The following DIAPH3 variants were observed in gnomAD, a reference collection of about 807,000 sequenced individuals.
DIAPH3 encodes the protein diaphanous related formin 3.
In DIAPH3, 117 loss-of-function variants were observed where a neutral mutation model predicts 144.3. The ratio of observed to expected loss-of-function variants is 0.81; its 90% CI spans 0.70 to 0.95. The LOEUF (loss-of-function observed/expected upper bound fraction) is 0.95. DIAPH3 is among the 40% of genes least tolerant of loss of function. The pLI is 0.00. For synonymous variants in DIAPH3, 519 were observed against 488.9 expected (o/e 1.06, Z -0.81); for missense variants, 1,421 against 1,412.7 (o/e 1.01, Z -0.09).
At chr13:60,120,944 C>A (rs2058829670) in intron 2 of DIAPH3, among the ~76,000 whole-genome samples, 1 of 152,118 alleles carries the variant, frequency 6.6e-6, no homozygotes, top group Admixed American at 6.5e-5. Flanking sequence ...TGTTATATAG[C>A]AATAGATAAT....
At chr13:60,111,456 C>T (rs1376481205) in intron 3 of DIAPH3, among the ~76,000 whole-genome samples, 1 of 152,168 alleles carries the variant, frequency 6.6e-6, no homozygotes, top group African/African-American at 2.4e-5. Flanking sequence ...TCCCCAACCC[C>T]GTTAGCAACT....
chr13:59,939,225 A>T (rs1192430584), intron 17 of DIAPH3, among the ~76,000 whole-genome samples: 1 of 152,182 alleles, frequency 6.6e-6, no homozygotes, highest in Non-Finnish European at 1.5e-5. Flanking sequence ...CCTCAAACTT[A>T]TACATTGGTT....
intron 27 of DIAPH3, among the ~76,000 whole-genome samples, chr13:59,750,269 A>C (rs982665481): frequency 1.3e-5 from 2 of 152,204 alleles, no homozygotes; most frequent in African/African-American, 4.8e-5. Context: ...CTATGTTTAC[A>C]CAATAGCTGG....
At chr13:60,011,360 G>A (rs755479273) in intron 7 of DIAPH3, among the ~76,000 whole-genome samples, 13 of 152,104 alleles carry the variant, frequency 8.5e-5, no homozygotes, top group African/African-American at 1.2e-4. Flanking sequence ...TGGGAAGGAA[G>A]GTTGGTAAGA....
chr13:59,931,632 T>C (rs986861445), intron 17 of DIAPH3, among the ~76,000 whole-genome samples: 2 of 152,160 alleles, frequency 1.3e-5, no homozygotes, highest in African/African-American at 4.8e-5. Flanking sequence ...TCAACAAATA[T>C]CTTTTGGATG....
At chr13:60,006,976 C>T (rs929332511) in intron 9 of DIAPH3, among the ~76,000 whole-genome samples, 4 of 152,178 alleles carry the variant, frequency 2.6e-5, no homozygotes, top group African/African-American at 9.7e-5. Flanking sequence ...ACATAGGGTT[C>T]CTCACTGGCT....
In DIAPH3 at chr13:60,163,644, G is replaced by A; in HGVS notation, c.123C>T (p.Pro41=). 1.2e-6 allele frequency: 2 copies of A among 1,608,410 alleles called. No homozygotes were observed. Among genetic ancestry groups the A allele is most frequent in the Non-Finnish European group, 1.7e-6 (2 of 1,175,988 alleles). ...RESKMPRRKG[P]QHPPPPSGPE... is the part of the protein sequence containing the mutation. ...GGCCACTGGGCGGCGGAGGGTGTTG[G>A]GGGCCCTTCCTGCGCGGCATCTTGC... The change falls in exon 1 of 28, where the codon CCC becomes CCT. Residue 41 remains proline, a synonymous_variant. Transcript: ENST00000400324.
At chr13:59,710,151 C>G (rs1363874402) in intron 27 of DIAPH3, among the ~76,000 whole-genome samples, 1 of 150,066 alleles carries the variant, frequency 6.7e-6, no homozygotes, top group Non-Finnish European at 1.5e-5. Context: ...TGCTAGATGA[C>G]GAGTTAGTGG....
chr13:59,951,673 G>A (rs2049107501), intron 17 of DIAPH3, among the ~76,000 whole-genome samples: 1 of 151,914 alleles, frequency 6.6e-6, no homozygotes, highest in Admixed American at 6.6e-5. Context: ...TTTCTGTTAT[G>A]TCCCATCAAA....
At chr13:60,132,511 C>T (rs1214171769) in intron 2 of DIAPH3, among the ~76,000 whole-genome samples, 1 of 152,088 alleles carries the variant, frequency 6.6e-6, no homozygotes, top group African/African-American at 2.4e-5. Context: ...TTATTTTCAA[C>T]ATAAAAAACG....
At chr13:59,984,266 A>C (rs899414394) in intron 12 of DIAPH3, among the ~76,000 whole-genome samples, 11 of 151,678 alleles carry the variant, frequency 7.3e-5, no homozygotes, top group Non-Finnish European at 1.6e-4. Context: ...CATTAATACA[A>C]CCAAAATAAA....
At chr13:59,918,460 C>T (rs1002270829) in intron 18 of DIAPH3, among the ~76,000 whole-genome samples, 1 of 152,078 alleles carries the variant, frequency 6.6e-6, no homozygotes. Context: ...CAGCGACCTT[C>T]GTTTACAGAA....
intron 1 of DIAPH3, among the ~76,000 whole-genome samples, chr13:60,159,239 T>A (rs1952172512): frequency 1.3e-5 from 2 of 152,192 alleles, no homozygotes; most frequent in Non-Finnish European, 2.9e-5. Flanking sequence ...AAGGCATCAC[T>A]AATTATTGCT....
intron 24 of DIAPH3, among the ~76,000 whole-genome samples, chr13:59,824,104 T>C (rs1015627302): frequency 6.6e-6 from 1 of 152,296 alleles, no homozygotes; most frequent in African/African-American, 2.4e-5. Flanking sequence ...GCCAGAGCTA[T>C]ACATGTGAAA....
At chr13:59,916,887 TACTG>T (rs901776366) in intron 18 of DIAPH3, among the ~76,000 whole-genome samples, 2 of 152,150 alleles carry the variant, frequency 1.3e-5, no homozygotes, top group Admixed American at 1.3e-4. Flanking sequence ...AATATGTTAT[TACTG>T]AGAATTCTAA....
chr13:60,086,238 A>G (rs1659040502), intron 4 of DIAPH3, among the ~76,000 whole-genome samples: 1 of 152,178 alleles, frequency 6.6e-6, no homozygotes, highest in Non-Finnish European at 1.5e-5. Flanking sequence ...ATGCAGTAAT[A>G]CTAGAGAACA....
chr13:60,033,097 T>C (rs1566686735), intron 5 of DIAPH3, among the ~76,000 whole-genome samples: 1 of 152,242 alleles, frequency 6.6e-6, no homozygotes. Context: ...TGACCTTTGC[T>C]CTGGTTCCCA....
chr13:59,801,622 G>A (rs2139477938), intron 25 of DIAPH3, among the ~76,000 whole-genome samples: 1 of 152,302 alleles, frequency 6.6e-6, no homozygotes, highest in South Asian at 2.1e-4. Flanking sequence ...TCTAAAGACA[G>A]TCAGTCATCT....
intron 27 of DIAPH3, among the ~76,000 whole-genome samples, chr13:59,732,265 C>A (rs1044019828): frequency 1.3e-5 from 2 of 151,266 alleles, no homozygotes; most frequent in African/African-American, 4.9e-5. Flanking sequence ...TATCTATATT[C>A]TTCTCACTAG....
Sources: allele counts gnomAD v4.1 joint callset (sites outside exome capture counted in the v4.1 genomes callset), GRCh38; gene constraint gnomAD v4.1.1; transcripts MANE v1.5; gene names NCBI Gene and HGNC (gene_info 2026-07-23, HGNC 2026-07-21).